The following SHLD2 variants were observed in gnomAD, a reference collection of about 807,000 sequenced individuals.
The protein encoded by SHLD2 is RINN1-REV7-interacting novel NHEJ regulator 2.
In SHLD2, 30 loss-of-function variants were observed where a neutral mutation model predicts 73.2. The observed-to-expected ratio is 0.41, with a 90% confidence interval of 0.31 to 0.56. SHLD2 has a LOEUF of 0.56. Among genes scored for constraint, SHLD2 ranks in the 20% least tolerant of loss-of-function variants. The pLI is 0.28. For synonymous variants in SHLD2, 285 were observed against 370.1 expected, an observed-to-expected ratio of 0.77 and a Z score of 2.64; for missense variants, 745 against 1,055.9, an observed-to-expected ratio of 0.71 and a Z score of 4.08.
At chr10:87,108,325 A>T (rs1832572076) in intron 2 of SHLD2, among the ~76,000 whole-genome samples, 1 of 152,224 alleles carries the variant, frequency 6.6e-6, no homozygotes, top group African/African-American at 2.4e-5. Context: ...CTAGGATTAC[A>T]GGCGTGAGCC....
At chr10:87,147,156 G>C (rs1845686582) in intron 2 of SHLD2, among the ~76,000 whole-genome samples, 1 of 150,116 alleles carries the variant, frequency 6.7e-6, no homozygotes, top group African/African-American at 2.5e-5. Context: ...GAGATCCTCT[G>C]AATTCTCAGG....
intron 4 of SHLD2, among the ~76,000 whole-genome samples, chr10:87,166,916 T>C (rs565542185): frequency 5.3e-5 from 8 of 151,420 alleles, no homozygotes; most frequent in Non-Finnish European, 1.2e-4. Flanking sequence ...TTTAGTCTTT[T>C]ATTATGTATA....
chr10:87,137,931 A>G (rs1306208171), intron 2 of SHLD2, among the ~76,000 whole-genome samples: 1 of 152,176 alleles, frequency 6.6e-6, no homozygotes, highest in Non-Finnish European at 1.5e-5. Context: ...ATGGAGTCTT[A>G]GCTGAGCATG....
intron 2 of SHLD2, among the ~76,000 whole-genome samples, chr10:87,117,439 C>T (rs753705835): frequency 6.6e-6 from 1 of 151,996 alleles, no homozygotes; most frequent in Non-Finnish European, 1.5e-5. Context: ...AACTTTTGCT[C>T]AAAGGCAGGT....
At chr10:87,168,400 C>T (rs1437280943) in intron 4 of SHLD2, among the ~76,000 whole-genome samples, 1 of 152,046 alleles carries the variant, frequency 6.6e-6, no homozygotes, top group Admixed American at 6.6e-5. Context: ...AGTTTGAGAC[C>T]AGCCTGAGCA....
chr10:87,096,686 T>C (rs1841922625), intron 1 of SHLD2, among the ~76,000 whole-genome samples: 2 of 152,350 alleles, frequency 1.3e-5, no homozygotes, highest in South Asian at 4.1e-4. Context: ...TGACACCCAT[T>C]GGACCTGCAA....
intron 2 of SHLD2, among the ~76,000 whole-genome samples, chr10:87,121,850 C>T (rs1461285082): frequency 2.7e-5 from 4 of 148,332 alleles, no homozygotes; most frequent in Non-Finnish European, 4.5e-5. Flanking sequence ...CTGCATCCTC[C>T]GCCTCCTAGG....
chr10:87,150,118 G>A (rs1845909325), intron 2 of SHLD2, among the ~76,000 whole-genome samples: 2 of 147,124 alleles, frequency 1.4e-5, no homozygotes, highest in South Asian at 4.3e-4. Flanking sequence ...AGGCTGGAGT[G>A]CAGTGGCGAG....
chr10:87,149,291 T>A (rs1845849575), intron 2 of SHLD2, among the ~76,000 whole-genome samples: 2 of 151,922 alleles, frequency 1.3e-5, no homozygotes, highest in Admixed American at 1.3e-4. Flanking sequence ...GGGCCCCTAG[T>A]GGTAAATCTA....
intron 2 of SHLD2, among the ~76,000 whole-genome samples, chr10:87,126,798 CA>C (rs1358686174): frequency 1.3e-5 from 2 of 152,144 alleles, no homozygotes; most frequent in Non-Finnish European, 2.9e-5. Flanking sequence ...GACATTCTTT[CA>C]GTTGGAAATC....
At chr10:87,146,103 A>C (rs1009723152) in intron 2 of SHLD2, among the ~76,000 whole-genome samples, 46 of 152,070 alleles carry the variant, frequency 3.0e-4, no homozygotes, top group African/African-American at 1.0e-3. Flanking sequence ...TTTTGATTTA[A>C]TAGGGCCACT....
intron 3 of SHLD2, among the ~76,000 whole-genome samples, chr10:87,155,350 A>G (rs3129500): frequency 0.87 from 130,743 of 150,652 alleles, 57,638 homozygotes; most frequent in African/African-American, 0.97. Context: ...ATTATTGGAG[A>G]TTCAATTCAC....
rs1375431471 is a variant in SHLD2 at position 87,173,075 on chromosome 10, G to T, written c.1963+2101G>T. On this transcript the variant is annotated intron_variant, in intron 6 of 9. Coordinates refer to ENST00000298786, the MANE Select transcript of SHLD2 (RefSeq NM_001330112.2). ...TTTTTTGAGACAGAGTTTCATTCTT[G>T]TCACCCAGGCTGGAATGTAGTGGCA... Among the ~76,000 whole-genome samples the T allele has an allele frequency of 2.9e-4, 39 of 134,582 alleles. 1 individual carries two copies. Among genetic ancestry groups the T allele is most frequent in the African/African-American group, 9.5e-4 (34 of 35,918 alleles). 88.3% of individuals were successfully genotyped at this position (134,582 alleles called of 152,430 possible).
At position 87,130,756 on chromosome 10, in the gene SHLD2, A is replaced by C. The variant is rs528630745; in HGVS notation, c.-5-20594A>C. On this transcript the variant is annotated intron_variant, in intron 2 of 9. Coordinates refer to ENST00000298786, the MANE Select transcript of SHLD2 (RefSeq NM_001330112.2). ...TTATGCATTTGCTTTCTAGCTTTTA[A>C]ATTTTGTTTATGCCTTAAAAATACC... is the stretch of plus-strand genomic sequence containing the variant. 4.0e-3 allele frequency among the ~76,000 whole-genome samples: 610 copies of C among 152,204 alleles called. 7 individuals carry two copies. Among genetic ancestry groups the C allele is most frequent in the Non-Finnish European group, 4.4e-3 (302 of 68,010 alleles).
chr10:87,180,015 G>A (rs1039465578), intron 7 of SHLD2, 60 bp from the exon 8 acceptor site: 32 of 1,250,862 alleles, frequency 2.6e-5, no homozygotes, highest in African/African-American at 7.4e-5. Context: ...AGCCATGTTT[G>A]TAAATTAAAG....
Position 87,170,659 on chromosome 10 carries a change from C to T in SHLD2, c.1815C>T (p.Phe605=), listed in dbSNP as rs1847534684. Residue 605 remains phenylalanine (F), a synonymous_variant, in exon 5 of 10, where the codon TTC becomes TTT. Coordinates refer to ENST00000298786, the MANE Select transcript of SHLD2 (RefSeq NM_001330112.2). The part of the protein sequence containing the change: ...LVHAVLRVVD[F]TILTEAVYSY... ...ACGCAGTACTAAGAGTTGTTGATTTCACTATACTGACAGGTAAATATTTTG... is the reference window on the plus strand; with the variant it reads ...ACGCAGTACTAAGAGTTGTTGATTTTACTATACTGACAGGTAAATATTTTG... 6.2e-7 allele frequency: 1 copy of T among 1,605,082 alleles called. No individual in the cohort carries two copies.
chr10:87,141,987 C>T (rs976348291), intron 2 of SHLD2, among the ~76,000 whole-genome samples: 2 of 150,164 alleles, frequency 1.3e-5, no homozygotes, highest in Admixed American at 6.6e-5. Context: ...GCTGAGATTG[C>T]GCCATCGCAC....
chr10:87,096,105 A>T (rs1841852973), intron 1 of SHLD2, among the ~76,000 whole-genome samples: 1 of 152,204 alleles, frequency 6.6e-6, no homozygotes, highest in African/African-American at 2.4e-5. Flanking sequence ...TAGTGGCACC[A>T]TCTCGGCTCA....
intron 7 of SHLD2, among the ~76,000 whole-genome samples, chr10:87,179,263 TAATA>T (rs1352084083): frequency 1.3e-5 from 2 of 152,164 alleles, no homozygotes; most frequent in Non-Finnish European, 2.9e-5. Flanking sequence ...GAGAAACGAT[TAATA>T]AATGAGAACT....
Sources: gnomAD v4.1 joint callset for allele counts (sites outside exome capture counted in the v4.1 genomes callset) on GRCh38, gnomAD v4.1.1 for gene constraint, MANE v1.5 for transcripts, NCBI Gene and HGNC (gene_info 2026-07-23, HGNC 2026-07-21) for gene names.